The following NPFFR1 variants were observed in gnomAD, a reference collection of about 807,000 sequenced individuals.
NPFFR1 encodes the protein G-protein coupled receptor 147.
A neutral mutation model predicts 12.7 loss-of-function variants in NPFFR1; 17 were observed. The ratio of observed to expected loss-of-function variants is 1.34; its 90% CI spans 0.92 to 2.01. NPFFR1 has a LOEUF of 2.01. Among genes scored for constraint, NPFFR1 ranks in the 30% most tolerant of loss-of-function variants. The pLI, the probability that NPFFR1 is intolerant of heterozygous loss-of-function variation, is 0.00. For synonymous variants in NPFFR1, 296 were observed against 264.5 expected, an observed-to-expected ratio of 1.12 and a Z score of -1.16; for missense variants, 604 against 606.5, an observed-to-expected ratio of 1.00 and a Z score of 0.04.
Position 70,283,766 on chromosome 10 carries a change from A to T in NPFFR1, c.-90T>A. ...GCGGGCAGAGGGACGGTCTCCGGGC[A>T]CTTGGTTGCGGGCTGCGCCCCTGCC... On this transcript the variant is annotated 5_prime_UTR_variant, in exon 1 of 4. Coordinates refer to ENST00000277942, the MANE Select transcript of NPFFR1 (RefSeq NM_022146.5). 6.9e-7 allele frequency: 1 copy of T among 1,444,562 alleles called. No homozygotes were observed. Among genetic ancestry groups the T allele is most frequent in the South Asian group, 1.2e-5 (1 of 81,742 alleles). 89.5% of individuals were successfully genotyped at this position (1,444,562 alleles called of 1,614,324 possible). A position where few individuals can be genotyped will look rare whatever the true frequency, so the allele number is the denominator to read the frequency against.
rs778120264 is a variant in NPFFR1, at chr10:70,260,663, T to A, written c.399A>T (p.Thr133=). The A allele has an allele frequency of 1.2e-6, 2 of 1,611,036 alleles. No individual in the cohort carries two copies. Among genetic ancestry groups the A allele is most frequent in the Non-Finnish European group, 1.7e-6 (2 of 1,178,714 alleles). ...QGMSVSASVF[T]LVAIAVERFR... ...ACCTTTCCACAGCAATGGCCACCAG[T>A]GTGAAAACGGAAGCCGACACAGACA... is the stretch of plus-strand genomic sequence containing the variant. The change falls in exon 3 of 4, where the codon ACA becomes ACT. Residue 133 remains threonine, a synonymous_variant. Coordinates refer to ENST00000277942, the MANE Select transcript of NPFFR1 (RefSeq NM_022146.5).
intron 1 of NPFFR1, among the ~76,000 whole-genome samples, chr10:70,275,760 T>A (rs78269704): frequency 0.036 from 5,439 of 152,284 alleles, 281 homozygotes; most frequent in African/African-American, 0.11. Flanking sequence ...CTGCTTTAGC[T>A]GTATCCCATA....
intron 1 of NPFFR1, among the ~76,000 whole-genome samples, chr10:70,267,210 T>A (rs1347339942): frequency 6.6e-6 from 1 of 152,188 alleles, no homozygotes; most frequent in Admixed American, 6.5e-5. Flanking sequence ...GAAGGGGAAC[T>A]GTGAACCAGG....
At chr10:70,261,658 C>T (rs1443012656) in intron 2 of NPFFR1, among the ~76,000 whole-genome samples, 3 of 152,164 alleles carry the variant, frequency 2.0e-5, no homozygotes, top group Admixed American at 6.5e-5. Flanking sequence ...CAGTGGTTCT[C>T]GACACTGGCT....
intron 1 of NPFFR1, among the ~76,000 whole-genome samples, chr10:70,267,475 A>G (rs1232102400): frequency 6.6e-6 from 1 of 152,116 alleles, no homozygotes; most frequent in Non-Finnish European, 1.5e-5. Context: ...CTTCATTTGA[A>G]ATGGAGGTCA....
intron 1 of NPFFR1, among the ~76,000 whole-genome samples, chr10:70,276,584 C>CTTTTT (rs57759018): frequency 2.6e-5 from 3 of 117,340 alleles, no homozygotes; most frequent in Non-Finnish European, 3.4e-5. Context: ...ATGTTTGTAT[C>CTTTTT]TTTTTTTTTT....
chr10:70,255,498 G>A lies in NPFFR1; in HGVS notation c.752C>T (p.Pro251Leu), dbSNP rs1197786136. ...CGGGTCCGCAGCCTCCTCGCCCCCG[G>A]GGGCCGGGCCCGGGGCCTGGCAGAG... is the stretch of plus-strand genomic sequence containing the variant. The part of the protein sequence containing the change: ...RKLCQAPGPA[P>L]GGEEAADPRA... The change falls in exon 4 of 4, where the codon CCC becomes CTC. Residue 251 changes from proline to leucine, a missense_variant. Transcript: ENST00000277942. This position sits in a 1 kb window ranked among gnomAD's most constrained non-coding sequence, Gnocchi z 4.2. 1 of 1,547,812 alleles carries A rather than the reference G, an allele frequency of 6.5e-7. No individual in the cohort carries two copies. The highest frequency in any genetic ancestry group is 2.0e-5 in the Admixed American group (1 of 50,850).
chr10:70,248,477 T>TG lies in NPFFR1; in HGVS notation c.*6479dup, dbSNP rs1564591150. On this transcript the variant is annotated 3_prime_UTR_variant, in exon 4 of 4. Coordinates refer to ENST00000277942, the MANE Select transcript of NPFFR1 (RefSeq NM_022146.5). ...AGTACTATGCCTGGCGTTTTTTTTT[T>TG]GTTTTTTGTTTTTTTTTTTTTTTTT... 2 of 76,388 alleles carry TG rather than the reference T, an allele frequency of 2.6e-5. No individual in the cohort carries two copies. The highest frequency in any genetic ancestry group is 4.5e-5 in the African/African-American group (1 of 22,218). 4.7% of individuals were successfully genotyped at this position (76,388 alleles called of 1,614,324 possible). A position where few individuals can be genotyped will look rare whatever the true frequency, so the allele number is the denominator to read the frequency against.
At position 70,266,376 on chromosome 10, in the gene NPFFR1, G is replaced by A; in HGVS notation, c.23C>T (p.Pro8Leu). The change falls in exon 2 of 4, where the codon CCT becomes CTT. Residue 8 changes from proline to leucine, a missense_variant. Pro to Leu is a moderately conservative substitution (Grantham distance 98, BLOSUM62 -3). Coordinates refer to ENST00000277942, the MANE Select transcript of NPFFR1 (RefSeq NM_022146.5). MEGEPSQ[P>L]PNSSWPLSQN... ...ACTTAGGGGCCAACTGCTGTTGGGA[G>A]GCTGGGAGGGCTCCCCTAGGACCAA... 1 of 1,612,790 alleles carries A rather than the reference G, an allele frequency of 6.2e-7. No homozygotes were observed. The highest frequency in any genetic ancestry group is 8.5e-7 in the Non-Finnish European group (1 of 1,179,282).
At chr10:70,260,522 G>A (rs758740597) in intron 3 of NPFFR1, 118 bp downstream of exon 3, 50 of 898,120 alleles carry the variant, frequency 5.6e-5, no homozygotes, top group Non-Finnish European at 8.3e-5. Context: ...TCAGGATTTA[G>A]CCCCACTTAC....
chr10:70,281,004 A>G (rs942476572), intron 1 of NPFFR1, among the ~76,000 whole-genome samples: 8 of 145,626 alleles, frequency 5.5e-5, no homozygotes, highest in Admixed American at 1.3e-4. Context: ...TCCGTCTCAA[A>G]CAACAACAAC....
rs1316093726 is a variant in NPFFR1, at chr10:70,266,186, G to C, written c.213C>G (p.Asn71Lys). 1 of 1,614,034 alleles carries C rather than the reference G, an allele frequency of 6.2e-7. No individual in the cohort carries two copies. Residue 71 changes from asparagine to lysine, a missense_variant, in exon 2 of 4, where the codon AAC becomes AAG. Transcript: ENST00000277942. ...NTLVCFIVLK[N>K]RHMHTVTNMF... Reference sequence around the variant, plus strand: ...TGTTGGTGACAGTATGCATGTGCCGGTTCTTGAGCACGATGAAACAGACCA... The same window carrying C: ...TGTTGGTGACAGTATGCATGTGCCGCTTCTTGAGCACGATGAAACAGACCA...
chr10:70,263,352 A>G (rs1840654068), intron 2 of NPFFR1, among the ~76,000 whole-genome samples: 1 of 152,126 alleles, frequency 6.6e-6, no homozygotes, highest in African/African-American at 2.4e-5. Flanking sequence ...CGCTCATTGC[A>G]AGCTCTGCCT....
In NPFFR1 at chr10:70,274,540, A is replaced by T. The variant is rs143158264; in HGVS notation, c.8-8149T>A. Among the ~76,000 whole-genome samples the T allele has an allele frequency of 5.9e-3, 900 of 152,276 alleles. 7 individuals are homozygous for T. The highest frequency in any genetic ancestry group is 0.011 in the Non-Finnish European group (737 of 68,010). ...GAACTTGTCTTAGAGCTGCTTTAGTACAATTTTTAAAGGGAGGTATAGTTA... is the reference window on the plus strand; with the variant it reads ...GAACTTGTCTTAGAGCTGCTTTAGTTCAATTTTTAAAGGGAGGTATAGTTA... On this transcript the variant is annotated intron_variant, in intron 1 of 3. Transcript: ENST00000277942.
intron 1 of NPFFR1, among the ~76,000 whole-genome samples, chr10:70,283,339 CTCTG>C (rs1032608871): frequency 6.6e-6 from 1 of 151,186 alleles, no homozygotes; most frequent in African/African-American, 2.5e-5. Context: ...ATGTCTCTGT[CTCTG>C]TCTCTCTCTC....
At chr10:70,262,325 T>C (rs1840642934) in intron 2 of NPFFR1, among the ~76,000 whole-genome samples, 1 of 152,170 alleles carries the variant, frequency 6.6e-6, no homozygotes, top group Non-Finnish European at 1.5e-5. Context: ...TGTATTTAAA[T>C]TGAATAATAT....
chr10:70,276,966 G>T (rs1386359775), intron 1 of NPFFR1, among the ~76,000 whole-genome samples: 1 of 152,216 alleles, frequency 6.6e-6, no homozygotes, highest in Non-Finnish European at 1.5e-5. Context: ...TGAACTCAGA[G>T]TTGAGCAGCC....
chr10:70,257,954 C>T (rs1003388190), intron 3 of NPFFR1, among the ~76,000 whole-genome samples: 3 of 152,178 alleles, frequency 2.0e-5, no homozygotes, highest in Non-Finnish European at 4.4e-5. Flanking sequence ...TTCTATTGCT[C>T]ACAGGTTTGT....
chr10:70,268,827 G>T (rs1432946236), intron 1 of NPFFR1, among the ~76,000 whole-genome samples: 4 of 152,242 alleles, frequency 2.6e-5, no homozygotes, highest in Admixed American at 2.6e-4. Context: ...CCAGGTTCAA[G>T]TCAGTGGATA....
Sources: gnomAD v4.1 joint callset for allele counts (sites outside exome capture counted in the v4.1 genomes callset) on GRCh38, gnomAD v4.1.1 for gene constraint, Gnocchi (gnomAD v3.1) non-coding constraint, MANE v1.5 for transcripts, NCBI Gene and HGNC (gene_info 2026-07-23, HGNC 2026-07-21) for gene names.